The following SMAD1 variants were observed in gnomAD, a reference collection of about 807,000 sequenced individuals.
SMAD1 encodes SMAD family member 1.
A neutral mutation model predicts 41.6 loss-of-function variants in SMAD1; 6 were observed. The observed-to-expected ratio is 0.14, with a 90% CI of 0.08 to 0.28. SMAD1 has a LOEUF of 0.28. SMAD1 is among the 10% of genes least tolerant of loss of function. The pLI is 1.00. For missense variants in SMAD1, 379 were observed against 582.6 expected (o/e 0.65, Z 3.60); for synonymous variants, 206 against 203.2 (o/e 1.01, Z -0.12).
At chr4:145,503,403 C>T (rs116642050) in intron 1 of SMAD1, among the ~76,000 whole-genome samples, 1,946 of 152,198 alleles carry the variant, frequency 0.013, 38 homozygotes, top group African/African-American at 0.044. Context: ...TGAAGTTAAG[C>T]GCTGTACTTT....
At chr4:145,486,039 T>C (rs924388207) in intron 1 of SMAD1, among the ~76,000 whole-genome samples, 4 of 152,210 alleles carry the variant, frequency 2.6e-5, no homozygotes, top group Admixed American at 2.0e-4. Flanking sequence ...TTTTGGTCTT[T>C]CGTTCAGAAG....
intron 1 of SMAD1, among the ~76,000 whole-genome samples, chr4:145,508,924 C>T (rs1326061770): frequency 6.6e-6 from 1 of 152,172 alleles, no homozygotes; most frequent in Admixed American, 6.5e-5. Flanking sequence ...CTAATCACCT[C>T]CCAAAGGACT....
intron 1 of SMAD1, among the ~76,000 whole-genome samples, chr4:145,504,802 C>T (rs1729674086): frequency 6.6e-6 from 1 of 152,184 alleles, no homozygotes; most frequent in Non-Finnish European, 1.5e-5. Flanking sequence ...TTATGATCCC[C>T]TTTCCATTTT....
chr4:145,492,584 T>G (rs1313297394), intron 1 of SMAD1, among the ~76,000 whole-genome samples: 1 of 152,202 alleles, frequency 6.6e-6, no homozygotes, highest in Non-Finnish European at 1.5e-5. Flanking sequence ...CCTCTTGGTT[T>G]TTTATAGGGC....
At chr4:145,527,895 C>T (rs1228246912) in intron 2 of SMAD1, among the ~76,000 whole-genome samples, 2 of 150,748 alleles carry the variant, frequency 1.3e-5, no homozygotes, top group Admixed American at 6.8e-5. Flanking sequence ...GAATCCCACC[C>T]TGTCACCCTG....
chr4:145,500,768 A>G (rs1039207727), intron 1 of SMAD1, among the ~76,000 whole-genome samples: 14 of 152,220 alleles, frequency 9.2e-5, no homozygotes, highest in Non-Finnish European at 7.3e-5. Flanking sequence ...GACAAAAACT[A>G]GACTGTAAAC....
chr4:145,532,990 T>A (rs1466688825), intron 2 of SMAD1, among the ~76,000 whole-genome samples: 1 of 152,264 alleles, frequency 6.6e-6, no homozygotes, highest in Non-Finnish European at 1.5e-5. Flanking sequence ...TAATTATTCT[T>A]TACTGAAATC....
chr4:145,484,799 A>C (rs1728387468), intron 1 of SMAD1: 2 of 152,180 alleles, frequency 1.3e-5, no homozygotes, highest in Non-Finnish European at 2.9e-5. Context: ...TAGGGACCTT[A>C]TAAAATATCA....
intron 2 of SMAD1, among the ~76,000 whole-genome samples, chr4:145,528,793 G>C (rs953751802): frequency 7.2e-5 from 11 of 152,190 alleles, no homozygotes; most frequent in African/African-American, 2.7e-4. Context: ...AAACTAACTT[G>C]TGCAACGTTG....
At chr4:145,532,624 TAGG>T (rs1299235784) in intron 2 of SMAD1, among the ~76,000 whole-genome samples, 37 of 152,334 alleles carry the variant, frequency 2.4e-4, no homozygotes, top group African/African-American at 8.9e-4. Flanking sequence ...AATTAACCAA[TAGG>T]AGCAGCCCTT....
intron 1 of SMAD1, among the ~76,000 whole-genome samples, chr4:145,494,353 G>A (rs551143877): frequency 2.2e-4 from 34 of 152,226 alleles, no homozygotes; most frequent in African/African-American, 7.9e-4. Context: ...TAAAGTTGGG[G>A]GTAAGGAATT....
At chr4:145,517,672 G>C (rs1273538808) in intron 2 of SMAD1, among the ~76,000 whole-genome samples, 4 of 129,026 alleles carry the variant, frequency 3.1e-5, no homozygotes, top group Admixed American at 7.2e-5. Context: ...TTTTTTTAGT[G>C]CTGAATTTTC....
intron 1 of SMAD1, among the ~76,000 whole-genome samples, chr4:145,495,196 C>T (rs189596310): frequency 1.3e-5 from 2 of 152,094 alleles, no homozygotes; most frequent in African/African-American, 4.8e-5. Flanking sequence ...TCCTGTAATG[C>T]TAAAGTTGAG....
At chr4:145,525,744 T>C (rs1296132086) in intron 2 of SMAD1, 1 of 152,248 alleles carries the variant, frequency 6.6e-6, no homozygotes, top group Non-Finnish European at 1.5e-5. Context: ...CTCAACAGGA[T>C]TTCTCTAGCA....
chr4:145,514,283 G>A lies in SMAD1; in HGVS notation c.-176-155G>A, dbSNP rs1488306858. Reference sequence around the variant, plus strand: ...CCAAATATAGTCATACTGAGAGTTAGGGCTTCCGCATATGAATTTTAGGGG... The same window carrying A: ...CCAAATATAGTCATACTGAGAGTTAAGGCTTCCGCATATGAATTTTAGGGG... On this transcript the variant is annotated intron_variant, in intron 1 of 6. Transcript: ENST00000302085. This position sits in a 1 kb window ranked among gnomAD's most constrained non-coding sequence, Gnocchi z 4.7. 6.6e-6 allele frequency among the ~76,000 whole-genome samples: 1 copy of A among 152,150 alleles called. No homozygotes were observed.
intron 2 of SMAD1, among the ~76,000 whole-genome samples, chr4:145,520,690 G>A (rs1389745426): frequency 1.3e-5 from 2 of 152,192 alleles, no homozygotes; most frequent in Non-Finnish European, 2.9e-5. Flanking sequence ...AAGTGGGCGG[G>A]GAAGTTGGGG....
intron 5 of SMAD1, 89 bp from the exon 6 acceptor site, chr4:145,553,695 A>G (rs1732682167): frequency 1.7e-6 from 2 of 1,168,928 alleles, no homozygotes; most frequent in African/African-American, 1.5e-5. Flanking sequence ...AAATCCATGT[A>G]TATTTAAGTT....
At chr4:145,488,192 A>G (rs1328238311) in intron 1 of SMAD1, among the ~76,000 whole-genome samples, 2 of 152,186 alleles carry the variant, frequency 1.3e-5, no homozygotes, top group South Asian at 2.1e-4. Context: ...TTTTGAGACA[A>G]TAAGCCTGGA....
rs545580499 is a variant in SMAD1, at chr4:145,559,108, A to C, written c.*1174A>C. Among the ~76,000 whole-genome samples, 2 of 152,260 alleles carry C rather than the reference A, an allele frequency of 1.3e-5. No individual in the cohort carries two copies. The highest frequency in any genetic ancestry group is 2.9e-5 in the Non-Finnish European group (2 of 68,018). On this transcript the variant is annotated 3_prime_UTR_variant, in exon 7 of 7. Coordinates refer to ENST00000302085, the MANE Select transcript of SMAD1 (RefSeq NM_005900.3). ...CTCGTACATTGAGTACTTTTATTCCAAAACTAGTGGGTTTTCTCTACTGGA... is the reference window on the plus strand; with the variant it reads ...CTCGTACATTGAGTACTTTTATTCCCAAACTAGTGGGTTTTCTCTACTGGA...
Sources: gnomAD v4.1 joint callset for allele counts (sites outside exome capture counted in the v4.1 genomes callset) on GRCh38, gnomAD v4.1.1 for gene constraint, Gnocchi (gnomAD v3.1) non-coding constraint, MANE v1.5 for transcripts, NCBI Gene and HGNC (gene_info 2026-07-23, HGNC 2026-07-21) for gene names.